SIPA1L1: variants seen among roughly 807,000 people sequenced by gnomAD.
SIPA1L1 encodes signal-induced proliferation-associated 1-like protein 1.
A neutral mutation model predicts 162.7 loss-of-function variants in SIPA1L1; 26 were observed. The observed-to-expected ratio is 0.16, with a 90% CI of 0.12 to 0.22. The LOEUF is 0.22. Ranked by LOEUF, SIPA1L1 falls within the 10% of genes least tolerant of loss-of-function variation. The pLI is 1.00. For synonymous variants in SIPA1L1, 829 were observed against 837.4 expected (o/e 0.99, Z 0.17); for missense variants, 1,874 against 2,241.0 (o/e 0.84, Z 3.31).
At chr14:71,656,777 AGTT>A (rs2043091982) in intron 8 of SIPA1L1, among the ~76,000 whole-genome samples, 1 of 152,242 alleles carries the variant, frequency 6.6e-6, no homozygotes, top group Non-Finnish European at 1.5e-5. Context: ...TGCAAGCCAC[AGTT>A]GTAGTCTATT....
chr14:71,547,418 C>G (rs1182786090), intron 4 of SIPA1L1, among the ~76,000 whole-genome samples: 2 of 151,192 alleles, frequency 1.3e-5, no homozygotes, highest in African/African-American at 2.4e-5. Context: ...CTCAGCCTCC[C>G]AAGTAGCTGG....
At chr14:71,612,169 G>T (rs2038299520) in intron 5 of SIPA1L1, among the ~76,000 whole-genome samples, 1 of 152,090 alleles carries the variant, frequency 6.6e-6, no homozygotes, top group Non-Finnish European at 1.5e-5. Context: ...AAATGGAAAA[G>T]ATTTTATTTT....
At chr14:71,532,174 C>T (rs2053508497) in intron 4 of SIPA1L1, among the ~76,000 whole-genome samples, 1 of 152,006 alleles carries the variant, frequency 6.6e-6, no homozygotes, top group Admixed American at 6.5e-5. Flanking sequence ...GAAGATCTTA[C>T]ACTTTGTGAA....
intron 2 of SIPA1L1, among the ~76,000 whole-genome samples, chr14:71,448,319 A>C (rs1391635438): frequency 1.3e-5 from 2 of 152,168 alleles, no homozygotes; most frequent in African/African-American, 4.8e-5. Context: ...GCCATGTGCC[A>C]CAGAGTTTCC....
At chr14:71,667,473 G>A (rs530023785) in intron 10 of SIPA1L1, among the ~76,000 whole-genome samples, 19 of 152,278 alleles carry the variant, frequency 1.2e-4, no homozygotes, top group African/African-American at 4.6e-4. Context: ...AAAGTGCCTA[G>A]CACATAGTAG....
chr14:71,487,043 C>G (rs906322613), intron 2 of SIPA1L1, among the ~76,000 whole-genome samples: 5 of 152,180 alleles, frequency 3.3e-5, no homozygotes, highest in Admixed American at 3.3e-4. Flanking sequence ...GTACCAAATT[C>G]TGCCATAATC....
intron 17 of SIPA1L1, 66 bp from the exon 18 acceptor site, chr14:71,723,581 G>A: frequency 5.0e-6 from 8 of 1,590,514 alleles, no homozygotes; most frequent in Non-Finnish European, 6.9e-6. Flanking sequence ...CCGTACCCCG[G>A]ACAGCACTTT....
intron 12 of SIPA1L1, among the ~76,000 whole-genome samples, chr14:71,679,577 C>T (rs1427538385): frequency 1.3e-5 from 2 of 152,176 alleles, no homozygotes; most frequent in Non-Finnish European, 2.9e-5. Flanking sequence ...CAGATTTACA[C>T]ATAACAATAT....
At chr14:71,356,538 C>T (rs2037258368) in intron 2 of SIPA1L1, among the ~76,000 whole-genome samples, 1 of 116,296 alleles carries the variant, frequency 8.6e-6, no homozygotes, top group Non-Finnish European at 1.7e-5. Context: ...CAAGACCAGC[C>T]TGGGCAACAT....
chr14:71,612,264 C>A (rs1158114561), intron 5 of SIPA1L1, among the ~76,000 whole-genome samples: 1 of 152,114 alleles, frequency 6.6e-6, no homozygotes, highest in Non-Finnish European at 1.5e-5. Context: ...GTGTTGCTTT[C>A]AAAAGCAGTT....
chr14:71,577,730 C>CTTTTTTT (rs5809525), intron 4 of SIPA1L1, among the ~76,000 whole-genome samples: 3 of 97,156 alleles, frequency 3.1e-5, no homozygotes, highest in African/African-American at 4.1e-5. Context: ...TTGGGCATGC[C>CTTTTTTT]TTTTTTTTTT....
At chr14:71,568,471 A>G (rs1167877193) in intron 4 of SIPA1L1, among the ~76,000 whole-genome samples, 1 of 152,108 alleles carries the variant, frequency 6.6e-6, no homozygotes, top group Non-Finnish European at 1.5e-5. Context: ...GAGTTGACCA[A>G]TTGGTGTTGC....
In SIPA1L1 at chr14:71,343,515, A is replaced by G. The variant is rs187768392; in HGVS notation, c.-465+22334A>G. 7.2e-5 allele frequency among the ~76,000 whole-genome samples: 11 copies of G among 152,324 alleles called. No individual in the cohort carries two copies. The East Asian group carries it at 2.1e-3, about 29-fold the overall frequency. On this transcript the variant is annotated intron_variant, in intron 2 of 23. Transcript: ENST00000381232. ...CCTCTTTGTATTATGGAAGCAGTAT[A>G]TAAGACTTCGTGGAAAATTTGGAAA...
chr14:71,495,886 CAAAAAAAAA>C (rs61183823), intron 2 of SIPA1L1, among the ~76,000 whole-genome samples: 42 of 38,018 alleles, frequency 1.1e-3, no homozygotes, highest in South Asian at 8.4e-3. Context: ...TCCATCTCTA[CAAAAAAAAA>C]AAAAAAAAAA....
At chr14:71,326,715 CTTTTT>C (rs34173331) in intron 2 of SIPA1L1, among the ~76,000 whole-genome samples, 1 of 107,444 alleles carries the variant, frequency 9.3e-6, no homozygotes. Flanking sequence ...ATGTAATTTG[CTTTTT>C]TTTTTTTTTT....
intron 4 of SIPA1L1, chr14:71,573,868 C>T: frequency 5.4e-6 from 2 of 367,076 alleles, no homozygotes; most frequent in Non-Finnish European, 1.1e-5. Flanking sequence ...GCTTATTATA[C>T]TCAGAACAGT....
intron 2 of SIPA1L1, among the ~76,000 whole-genome samples, chr14:71,361,247 G>A (rs2037784913): frequency 6.6e-6 from 1 of 152,138 alleles, no homozygotes; most frequent in Non-Finnish European, 1.5e-5. Context: ...AAGAAAGCAG[G>A]TGTACTATTA....
chr14:71,607,775 G>T (rs1383297296), intron 5 of SIPA1L1, among the ~76,000 whole-genome samples: 2 of 152,046 alleles, frequency 1.3e-5, no homozygotes, highest in Non-Finnish European at 2.9e-5. Context: ...CATACTTTGG[G>T]GTATTGTTAT....
intron 13 of SIPA1L1, among the ~76,000 whole-genome samples, chr14:71,692,328 G>C (rs1301844199): frequency 6.6e-6 from 1 of 152,144 alleles, no homozygotes; most frequent in Non-Finnish European, 1.5e-5. Flanking sequence ...GTATATTGCT[G>C]GTAGAGCTTT....
Sources: gnomAD v4.1 joint callset for allele counts (sites outside exome capture counted in the v4.1 genomes callset) on GRCh38, gnomAD v4.1.1 for gene constraint, MANE v1.5 for transcripts, NCBI Gene and HGNC (gene_info 2026-07-23, HGNC 2026-07-21) for gene names.